The following ZFYVE9 variants were observed in gnomAD, a reference collection of about 807,000 sequenced individuals.
The protein encoded by ZFYVE9 is zinc finger FYVE-type containing 9, also known as zinc finger FYVE domain-containing protein 9.
Under a neutral mutation model 126.7 loss-of-function variants are expected in ZFYVE9, and 43 were observed. The observed-to-expected ratio is 0.34, with a 90% CI of 0.27 to 0.44. The LOEUF (loss-of-function observed/expected upper bound fraction) is 0.44, where lower values mean the gene tolerates loss of function less well. ZFYVE9 is among the 20% of genes least tolerant of loss of function. ZFYVE9 has a pLI of 1.00. For synonymous variants in ZFYVE9, 521 were observed against 597.4 expected, an observed-to-expected ratio of 0.87 and a Z score of 1.87; for missense variants, 1,476 against 1,697.0, an observed-to-expected ratio of 0.87 and a Z score of 2.29.
intron 1 of ZFYVE9, among the ~76,000 whole-genome samples, chr1:52,153,966 C>T (rs929552781): frequency 1.3e-5 from 2 of 152,180 alleles, no homozygotes. Context: ...ATTTTTGTCT[C>T]TGAGCTAGTA....
intron 2 of ZFYVE9, among the ~76,000 whole-genome samples, chr1:52,219,276 A>G (rs1645100626): frequency 6.6e-6 from 1 of 152,144 alleles, no homozygotes; most frequent in African/African-American, 2.4e-5. Context: ...ATCGGGTTAC[A>G]TTGATAATAA....
intron 4 of ZFYVE9, chr1:52,253,663 C>A (rs541272415): frequency 1.1e-5 from 17 of 1,572,138 alleles, no homozygotes; most frequent in Non-Finnish European, 1.4e-5. Flanking sequence ...TGACCCTGAG[C>A]AGTTGGAAAA....
At chr1:52,253,922 A>G in intron 4 of ZFYVE9, 1 of 993,964 alleles carries the variant, frequency 1.0e-6, no homozygotes. Context: ...GTAGGAAATA[A>G]TTTTCACAAC....
intron 13 of ZFYVE9, among the ~76,000 whole-genome samples, chr1:52,325,915 ACT>A (rs1194912560): frequency 6.6e-6 from 1 of 152,172 alleles, no homozygotes; most frequent in Non-Finnish European, 1.5e-5. Flanking sequence ...AGGTGTTATA[ACT>A]CTTCACACAC....
In ZFYVE9 at chr1:52,344,750, CT is replaced by C; in HGVS notation, c.3940-14del. On this transcript the variant is annotated splice_polypyrimidine_tract_variant and intron_variant, in intron 17 of 18. Transcript: ENST00000287727. The stretch of plus-strand genomic sequence containing the variant: ...AATCTAGGCACAAGTTTAAAAGTCT[CT>C]TTTGTTTGGGGAACAGGTGTTTTTC... The C allele has an allele frequency of 6.2e-7, 1 of 1,611,748 alleles. No homozygotes were observed. Among genetic ancestry groups the C allele is most frequent in the Non-Finnish European group, 8.5e-7 (1 of 1,178,214 alleles).
At chr1:52,239,933 T>C (rs1212741600) in intron 4 of ZFYVE9, among the ~76,000 whole-genome samples, 1 of 152,220 alleles carries the variant, frequency 6.6e-6, no homozygotes, top group African/African-American at 2.4e-5. Flanking sequence ...TTAGGAAATA[T>C]TTGTCATTAA....
chr1:52,193,113 G>C (rs1017667444), intron 1 of ZFYVE9, among the ~76,000 whole-genome samples: 1 of 152,060 alleles, frequency 6.6e-6, no homozygotes, highest in South Asian at 2.1e-4. Context: ...ACTCTTTTTT[G>C]TTGTTGCCTA....
At position 52,238,157 on chromosome 1, in the gene ZFYVE9, A is replaced by G; in HGVS notation, c.740A>G (p.Lys247Arg). The change falls in exon 4 of 19, where the codon AAG becomes AGG. Residue 247 changes from lysine to arginine, a missense_variant. This residue lies in a region of ZFYVE9 where 807 missense variants were observed against 794.6 expected (regional missense o/e 1.02). Transcript: ENST00000287727. ...AGTGTCTGTTCCCCTTCACAATTAAAGGATGACGGAAGTATAGGTAGAGAC... is the reference window on the plus strand; with the variant it reads ...AGTGTCTGTTCCCCTTCACAATTAAGGGATGACGGAAGTATAGGTAGAGAC... ...LASVCSPSQLKDDGSIGRDPS... is the reference protein window; with the variant it reads ...LASVCSPSQLRDDGSIGRDPS... The G allele has an allele frequency of 6.2e-7, 1 of 1,614,112 alleles. No homozygotes were observed. The highest frequency in any genetic ancestry group is 8.5e-7 in the Non-Finnish European group (1 of 1,179,970).
intron 13 of ZFYVE9, among the ~76,000 whole-genome samples, chr1:52,319,820 C>T (rs1202771627): frequency 6.6e-6 from 1 of 151,432 alleles, no homozygotes; most frequent in East Asian, 2.0e-4. Context: ...CGAGACCATC[C>T]TGGCCAACAT....
At chr1:52,266,502 A>T (rs1029392957) in intron 5 of ZFYVE9, among the ~76,000 whole-genome samples, 153 bp from the exon 6 acceptor site, 7 of 151,940 alleles carry the variant, frequency 4.6e-5, no homozygotes. Flanking sequence ...ATTACATAAA[A>T]TCACCTATCT....
At chr1:52,340,845 G>T (rs1646429032) in intron 17 of ZFYVE9, among the ~76,000 whole-genome samples, 3 of 148,706 alleles carry the variant, frequency 2.0e-5, no homozygotes, top group Non-Finnish European at 4.4e-5. Context: ...AGGTTACAGT[G>T]AGCCGAGATC....
At chr1:52,176,415 T>A (rs1206322972) in intron 1 of ZFYVE9, among the ~76,000 whole-genome samples, 2 of 151,964 alleles carry the variant, frequency 1.3e-5, no homozygotes, top group Non-Finnish European at 2.9e-5. Context: ...TACTGGGGGG[T>A]GTCTCCCAGT....
At chr1:52,274,690 C>G (rs1645728555) in intron 8 of ZFYVE9, 106 bp downstream of exon 8, 1 of 1,253,518 alleles carries the variant, frequency 8.0e-7, no homozygotes, top group Non-Finnish European at 1.1e-6. Flanking sequence ...TTCTCTTATC[C>G]AACAAAACAA....
rs114498081 is a variant in ZFYVE9 at position 52,215,420 on chromosome 1, G to C, written c.-142-949G>C. Among the ~76,000 whole-genome samples the C allele has an allele frequency of 7.4e-3, 1,118 of 151,996 alleles. 15 individuals carry two copies. The highest frequency in any genetic ancestry group is 0.026 in the African/African-American group (1,077 of 41,466). On this transcript the variant is annotated intron_variant, in intron 1 of 18. Coordinates refer to ENST00000287727, the MANE Select transcript of ZFYVE9 (RefSeq NM_004799.4). Reference sequence around the variant, plus strand: ...TGGGTCTTGGAAACTTGAATTTTAGGCCTTTTACTTATTCTCTTATTTTTT... The same window carrying C: ...TGGGTCTTGGAAACTTGAATTTTAGCCCTTTTACTTATTCTCTTATTTTTT...
intron 11 of ZFYVE9, among the ~76,000 whole-genome samples, chr1:52,295,245 T>C (rs576690351): frequency 2.9e-4 from 44 of 151,352 alleles, no homozygotes; most frequent in African/African-American, 1.0e-3. Context: ...AAAAGTGAAC[T>C]CTTAAACTTA....
chr1:52,183,449 C>T (rs969768505), intron 1 of ZFYVE9, among the ~76,000 whole-genome samples: 1 of 152,058 alleles, frequency 6.6e-6, no homozygotes, highest in Non-Finnish European at 1.5e-5. Flanking sequence ...GAAATTGAGA[C>T]CTGTGTTTGT....
At chr1:52,261,143 A>G (rs1178144894) in intron 4 of ZFYVE9, among the ~76,000 whole-genome samples, 1 of 151,634 alleles carries the variant, frequency 6.6e-6, no homozygotes, top group Non-Finnish European at 1.5e-5. Context: ...TAGAGCCTAG[A>G]TTACATGATC....
At chr1:52,306,168 C>T (rs1026585326) in intron 13 of ZFYVE9, among the ~76,000 whole-genome samples, 46 of 152,164 alleles carry the variant, frequency 3.0e-4, no homozygotes, top group African/African-American at 1.1e-3. Context: ...CTCAGCCTGC[C>T]CATGGCTGTC....
intron 1 of ZFYVE9, among the ~76,000 whole-genome samples, chr1:52,190,822 A>G (rs7546049): frequency 0.046 from 6,988 of 152,272 alleles, 413 homozygotes; most frequent in African/African-American, 0.14. Flanking sequence ...CCCTAGAAGA[A>G]TTTGTGTCAG....
Sources: gnomAD v4.1 joint callset for allele counts (sites outside exome capture counted in the v4.1 genomes callset) on GRCh38, gnomAD v4.1.1 for gene constraint, gnomAD v4.1.1 regional missense constraint, MANE v1.5 for transcripts, NCBI Gene and HGNC (gene_info 2026-07-23, HGNC 2026-07-21) for gene names.